The following EPHA4 variants were observed in gnomAD, a reference collection of about 807,000 sequenced individuals.
EPHA4 encodes the protein ephrin type-A receptor 4.
In EPHA4, 19 loss-of-function variants were observed where a neutral mutation model predicts 108.3. That is an observed-to-expected ratio of 0.18 (90% CI 0.12 to 0.26). The LOEUF (loss-of-function observed/expected upper bound fraction) is 0.26. Ranked by LOEUF, EPHA4 falls within the 10% of genes least tolerant of loss-of-function variation. The pLI is 1.00. For synonymous variants in EPHA4, 449 were observed against 455.5 expected, an observed-to-expected ratio of 0.99 and a Z score of 0.18; for missense variants, 917 against 1,254.0, an observed-to-expected ratio of 0.73 and a Z score of 4.06.
chr2:221,482,909 G>A (rs1317981091), intron 4 of EPHA4, among the ~76,000 whole-genome samples: 1 of 152,178 alleles, frequency 6.6e-6, no homozygotes, highest in Non-Finnish European at 1.5e-5. Context: ...AAACAAACAA[G>A]GCATCGGTTG....
intron 5 of EPHA4, among the ~76,000 whole-genome samples, chr2:221,459,095 T>C (rs1691057500): frequency 6.6e-6 from 1 of 152,148 alleles, no homozygotes; most frequent in Non-Finnish European, 1.5e-5. Flanking sequence ...AAATACATTG[T>C]CACTGAAAAT....
At chr2:221,496,799 C>T (rs1187791537) in intron 4 of EPHA4, among the ~76,000 whole-genome samples, 1 of 152,012 alleles carries the variant, frequency 6.6e-6, no homozygotes, top group African/African-American at 2.4e-5. Flanking sequence ...ATCCCAGCTA[C>T]TTGGGAGGCT....
intron 2 of EPHA4, among the ~76,000 whole-genome samples, chr2:221,565,062 C>A (rs534646839): frequency 4.1e-4 from 63 of 152,182 alleles, no homozygotes; most frequent in African/African-American, 1.5e-3. Context: ...GACAACTTTT[C>A]AAGACTGTGT....
intron 11 of EPHA4, among the ~76,000 whole-genome samples, chr2:221,441,790 C>A: frequency 6.6e-6 from 1 of 152,074 alleles, no homozygotes; most frequent in South Asian, 2.1e-4. Context: ...ACAAGTCACA[C>A]CCCATTACAA....
chr2:221,566,077 T>G (rs751094548), intron 2 of EPHA4, among the ~76,000 whole-genome samples: 4 of 152,188 alleles, frequency 2.6e-5, no homozygotes, highest in Non-Finnish European at 5.9e-5. Flanking sequence ...AAGTGAATAT[T>G]ACCAAGAAAG....
chr2:221,453,683 G>T (rs564970082), intron 8 of EPHA4, among the ~76,000 whole-genome samples: 1 of 152,306 alleles, frequency 6.6e-6, no homozygotes, highest in Admixed American at 6.5e-5. Context: ...AGAATTTATT[G>T]TGGATTTAAC....
At chr2:221,446,231 C>T (rs1405061771) in intron 8 of EPHA4, 50 bp from the exon 9 acceptor site, 3 of 1,165,028 alleles carry the variant, frequency 2.6e-6, no homozygotes, top group South Asian at 1.8e-5. Flanking sequence ...AACACCTAAG[C>T]TTTAACACAT....
chr2:221,483,500 T>TTGTGTGTGTGTGTG (rs58143142), intron 4 of EPHA4, among the ~76,000 whole-genome samples: 2,416 of 143,750 alleles, frequency 0.017, 69 homozygotes, highest in African/African-American at 0.057. Context: ...TGATGTAGAT[T>TTGTGTGTGTGTGTG]TGTGTGTGTG....
At position 221,426,112 on chromosome 2, in the gene EPHA4, G is replaced by T. The variant is rs758611672; in HGVS notation, c.2877C>A (p.Ile959=). 3.1e-6 allele frequency: 5 copies of T among 1,614,086 alleles called. No individual in the cohort carries two copies. Among genetic ancestry groups the T allele is most frequent in the Admixed American group, 1.7e-5 (1 of 60,012 alleles). ...TGCTCAAAATCTTATTCTGGTGCGT[G>T]ATGGCTGTGATACCAATTCTTGCCA... ...EDLARIGITA[I]THQNKILSSV... is the part of the protein sequence containing the mutation. Residue 959 remains isoleucine, a synonymous_variant, in exon 17 of 18, where the codon ATC becomes ATA. Coordinates refer to ENST00000281821, the MANE Select transcript of EPHA4 (RefSeq NM_004438.5).
intron 3 of EPHA4, among the ~76,000 whole-genome samples, chr2:221,514,686 T>C (rs1325742639): frequency 6.6e-6 from 1 of 152,114 alleles, no homozygotes; most frequent in Non-Finnish European, 1.5e-5. Flanking sequence ...GCAGGAGAAA[T>C]ACCAAGTCAG....
chr2:221,453,859 A>G (rs187304650), intron 8 of EPHA4, among the ~76,000 whole-genome samples: 9 of 152,298 alleles, frequency 5.9e-5, no homozygotes, highest in Middle Eastern at 3.4e-3. Context: ...GACACTTTAG[A>G]GAGTGAGGAT....
At chr2:221,443,407 C>T (rs1690490511) in intron 10 of EPHA4, 86 bp downstream of exon 10, 7 of 1,001,604 alleles carry the variant, frequency 7.0e-6, no homozygotes, top group Non-Finnish European at 1.1e-5. Flanking sequence ...ATAATATACT[C>T]ACAAAAGCAT....
chr2:221,551,589 T>C (rs913654055), intron 3 of EPHA4, among the ~76,000 whole-genome samples: 16 of 152,128 alleles, frequency 1.1e-4, no homozygotes, highest in African/African-American at 2.2e-4. Context: ...TCAGTAACCA[T>C]TTAAAATTAT....
At chr2:221,491,265 T>C (rs768101467) in intron 4 of EPHA4, among the ~76,000 whole-genome samples, 1 of 152,222 alleles carries the variant, frequency 6.6e-6, no homozygotes, top group Non-Finnish European at 1.5e-5. Context: ...AAAAGTAGAA[T>C]TGAGTATTTC....
intron 3 of EPHA4, among the ~76,000 whole-genome samples, chr2:221,518,799 A>C (rs900664487): frequency 1.3e-5 from 2 of 152,174 alleles, no homozygotes; most frequent in Non-Finnish European, 2.9e-5. Flanking sequence ...CAATCCTAAC[A>C]CGGGTAAGCA....
intron 5 of EPHA4, among the ~76,000 whole-genome samples, chr2:221,460,053 G>A (rs939499878): frequency 1.3e-5 from 2 of 152,120 alleles, no homozygotes; most frequent in Non-Finnish European, 2.9e-5. Flanking sequence ...TTGAGTAGCT[G>A]TGTTCCTGTG....
At chr2:221,527,123 A>C (rs11680627) in intron 3 of EPHA4, among the ~76,000 whole-genome samples, 109,100 of 151,864 alleles carry the variant, frequency 0.72, 39,780 homozygotes, top group African/African-American at 0.85. Flanking sequence ...GACTCTGTCT[A>C]AAGGAAAAAA....
At chr2:221,454,394 G>A (rs1305769032) in intron 8 of EPHA4, among the ~76,000 whole-genome samples, 1 of 152,178 alleles carries the variant, frequency 6.6e-6, no homozygotes, top group Admixed American at 6.6e-5. Flanking sequence ...ACACTGGCCT[G>A]AGGGCCAAGC....
intron 11 of EPHA4, chr2:221,437,514 G>A (rs1156324120): frequency 6.2e-6 from 1 of 161,022 alleles, no homozygotes; most frequent in African/African-American, 2.4e-5. Context: ...CCACTTGTAA[G>A]AAGCTAAGGA....
Sources: allele counts gnomAD v4.1 joint callset (sites outside exome capture counted in the v4.1 genomes callset), GRCh38; gene constraint gnomAD v4.1.1; transcripts MANE v1.5; gene names NCBI Gene and HGNC (gene_info 2026-07-23, HGNC 2026-07-21).